C10orf88: variants seen among roughly 807,000 people sequenced by gnomAD.
C10orf88 encodes chromosome 10 open reading frame 88.
A neutral mutation model predicts 34.2 loss-of-function variants in C10orf88; 29 were observed. That is an observed-to-expected ratio of 0.85 (90% CI 0.63 to 1.16). C10orf88 has a LOEUF of 1.16. Among genes scored for constraint, C10orf88 ranks in the 50% most tolerant of loss-of-function variants. The probability of loss-of-function intolerance (pLI) is 0.00; values close to 1 mark genes in which losing one functional copy is unlikely to be tolerated. For missense variants in C10orf88, 507 were observed against 533.2 expected, an observed-to-expected ratio of 0.95 and a Z score of 0.48; for synonymous variants, 194 against 197.4, an observed-to-expected ratio of 0.98 and a Z score of 0.15.
intron 5 of C10orf88, among the ~76,000 whole-genome samples, chr10:122,933,078 CT>C (rs572588218): frequency 6.6e-6 from 1 of 151,970 alleles, no homozygotes; most frequent in East Asian, 1.9e-4. Context: ...CTAGAAGGTT[CT>C]TTTTTTTAAC....
At chr10:122,945,331 T>C (rs760812903) in intron 4 of C10orf88, among the ~76,000 whole-genome samples, 8 of 152,216 alleles carry the variant, frequency 5.3e-5, no homozygotes, top group Non-Finnish European at 1.0e-4. Flanking sequence ...TACTACTTAG[T>C]AATAATAATC....
In C10orf88 at chr10:122,938,175, A is replaced by C. The variant is rs1259773527; in HGVS notation, c.649-16T>G. On this transcript the variant is annotated splice_polypyrimidine_tract_variant and intron_variant, in intron 4 of 5. Coordinates refer to ENST00000481909, the MANE Select transcript of C10orf88 (RefSeq NM_024942.4). ...GAATACAATTCTAAACAAGGTAAAC[A>C]AGTAAATGTTAATATTAATAACACT... 1.3e-6 allele frequency: 2 copies of C among 1,552,408 alleles called. No individual in the cohort carries two copies. Among genetic ancestry groups the C allele is most frequent in the Non-Finnish European group, 1.7e-6 (2 of 1,149,732 alleles).
At chr10:122,947,688 T>C (rs1197646134) in intron 4 of C10orf88, among the ~76,000 whole-genome samples, 1 of 152,204 alleles carries the variant, frequency 6.6e-6, no homozygotes. Flanking sequence ...GAATGTCTTA[T>C]TCACAGCTAA....
At chr10:122,933,909 CTG>C (rs1384234337) in intron 5 of C10orf88, among the ~76,000 whole-genome samples, 2 of 151,872 alleles carry the variant, frequency 1.3e-5, no homozygotes, top group Non-Finnish European at 2.9e-5. Flanking sequence ...TTCATAAAGA[CTG>C]TTATTTATGT....
intron 4 of C10orf88, among the ~76,000 whole-genome samples, chr10:122,944,118 A>T (rs1848613276): frequency 6.6e-6 from 1 of 151,966 alleles, no homozygotes; most frequent in Admixed American, 6.6e-5. Flanking sequence ...AAGACTTGGA[A>T]CCAACCCAAA....
intron 4 of C10orf88, among the ~76,000 whole-genome samples, chr10:122,939,648 T>C (rs1848566121): frequency 2.6e-5 from 4 of 151,956 alleles, no homozygotes; most frequent in Admixed American, 2.6e-4. Flanking sequence ...TAAAATTATA[T>C]TTATAAAATG....
At chr10:122,942,798 C>G (rs1848598339) in intron 4 of C10orf88, among the ~76,000 whole-genome samples, 1 of 150,972 alleles carries the variant, frequency 6.6e-6, no homozygotes, top group Admixed American at 6.6e-5. Context: ...AATAAAATAC[C>G]TAGGAATCCA....
Position 122,953,019 on chromosome 10 carries a change from T to C in C10orf88, c.178A>G (p.Ile60Val). ...APPAPGQDLVILKRNHNNKDE... is the reference protein window; with the variant it reads ...APPAPGQDLVVLKRNHNNKDE... ...TTGTTGTTGTGGTTTCTCTTCAAAA[T>C]CACCAGATCCTGACTGAGAAGAAAA... Residue 60 changes from isoleucine (I) to valine (V), a missense_variant, in exon 2 of 6, where the codon ATT (isoleucine) becomes GTT (valine). Physicochemically the swap from Ile to Val is conservative, Grantham distance 29. Coordinates refer to ENST00000481909, the MANE Select transcript of C10orf88 (RefSeq NM_024942.4). 1 of 1,613,022 alleles carries C rather than the reference T, an allele frequency of 6.2e-7. No homozygotes were observed. Among genetic ancestry groups the C allele is most frequent in the Non-Finnish European group, 8.5e-7 (1 of 1,179,032 alleles).
intron 4 of C10orf88, among the ~76,000 whole-genome samples, chr10:122,941,266 T>C (rs1458562597): frequency 6.6e-6 from 1 of 152,076 alleles, no homozygotes; most frequent in Non-Finnish European, 1.5e-5. Flanking sequence ...TCTAAATTGC[T>C]AAAGCAAAAG....
In C10orf88 at chr10:122,931,651, C is replaced by T. The variant is rs1417209582; in HGVS notation, c.*776G>A. The T allele has an allele frequency of 1.3e-5, 2 of 152,104 alleles. No homozygotes were observed. Among genetic ancestry groups the T allele is most frequent in the African/African-American group, 4.8e-5 (2 of 41,414 alleles). 9.4% of individuals were successfully genotyped at this position (152,104 alleles called of 1,614,324 possible). ...ATGTGTTCATCCTTCCATGGAGAGC[C>T]TCATTATTTCATACAATAAACATGC... On this transcript the variant is annotated 3_prime_UTR_variant, in exon 6 of 6. Coordinates refer to ENST00000481909, the MANE Select transcript of C10orf88 (RefSeq NM_024942.4).
Position 122,932,569 on chromosome 10 carries a change from T to C in C10orf88, c.1196A>G (p.Gln399Arg), listed in dbSNP as rs1409688702. Residue 399 changes from glutamine to arginine, a missense_variant, in exon 6 of 6, where the codon CAG becomes CGG. Physicochemically the swap from Gln to Arg is conservative, Grantham distance 43. Coordinates refer to ENST00000481909, the MANE Select transcript of C10orf88 (RefSeq NM_024942.4). Reference protein sequence around the residue: ...MEKKLMDYIDQRIHELQEHID... With the variant: ...MEKKLMDYIDRRIHELQEHID... ...GTGCTCCTGGAGTTCATGTATTCGC[T>C]GATCAATGTAATCCATAAGTTTCTT... 3.1e-6 allele frequency: 5 copies of C among 1,613,886 alleles called. No individual in the cohort carries two copies. The highest frequency in any genetic ancestry group is 3.4e-6 in the Non-Finnish European group (4 of 1,179,954).
At chr10:122,950,655 T>C (rs888013460) in intron 3 of C10orf88, among the ~76,000 whole-genome samples, 85 of 152,232 alleles carry the variant, frequency 5.6e-4, no homozygotes, top group African/African-American at 2.0e-3. Context: ...TTTTACTCAT[T>C]GAGTCTCCTT....
chr10:122,944,196 T>TA (rs1490298505), intron 4 of C10orf88, among the ~76,000 whole-genome samples: 18 of 151,750 alleles, frequency 1.2e-4, no homozygotes, highest in Non-Finnish European at 2.2e-4. Flanking sequence ...TATGCAGCCA[T>TA]AAAAAATGGT....
chr10:122,949,238 C>T (rs1848667867), intron 3 of C10orf88, among the ~76,000 whole-genome samples: 1 of 152,062 alleles, frequency 6.6e-6, no homozygotes, highest in Admixed American at 6.6e-5. Flanking sequence ...TATATTTTTT[C>T]CTATACATAC....
intron 3 of C10orf88, among the ~76,000 whole-genome samples, chr10:122,950,807 T>C (rs1333386621): frequency 6.6e-6 from 1 of 152,248 alleles, no homozygotes; most frequent in African/African-American, 2.4e-5. Flanking sequence ...GAAATTACTT[T>C]ATTCAAATGG....
Position 122,948,499 on chromosome 10 carries a change from G to C in C10orf88, c.648+150C>G, listed in dbSNP as rs534700924. The C allele has an allele frequency of 7.0e-6, 5 of 711,178 alleles. No individual in the cohort carries two copies. The African/African-American group carries it at 9.0e-5, about 13-fold the overall frequency. 44.1% of individuals were successfully genotyped at this position (711,178 alleles called of 1,614,324 possible). A position where few individuals can be genotyped will look rare whatever the true frequency, so the allele number is the denominator to read the frequency against. ...TGTAGTCAAAACACTTTGTAGAAGGGCAAATCTAACAAATGTTAACTTCTA... is the reference window on the plus strand; with the variant it reads ...TGTAGTCAAAACACTTTGTAGAAGGCCAAATCTAACAAATGTTAACTTCTA... On this transcript the variant is annotated intron_variant, in intron 4 of 5. Transcript: ENST00000481909.
intron 4 of C10orf88, 25 bp downstream of exon 4, chr10:122,948,624 T>C (rs879449949): frequency 6.9e-6 from 11 of 1,600,752 alleles, no homozygotes; most frequent in Non-Finnish European, 9.4e-6. Context: ...TAATGTTATC[T>C]GGAAAGAAAT....
Position 122,930,995 on chromosome 10 carries a change from AG to A in C10orf88, c.*1431del, listed in dbSNP as rs61182442. On this transcript the variant is annotated 3_prime_UTR_variant, in exon 6 of 6. Coordinates refer to ENST00000481909, the MANE Select transcript of C10orf88 (RefSeq NM_024942.4). Reference sequence around the variant, plus strand: ...TCAACTTTTCAACTAATGAGGAGTGAGGGGGTTAAAATATAATTTTTCTAAT... The same window carrying A: ...TCAACTTTTCAACTAATGAGGAGTGAGGGGTTAAAATATAATTTTTCTAAT... 38 of 152,302 alleles carry A rather than the reference AG, an allele frequency of 2.5e-4. No homozygotes were observed. Among genetic ancestry groups the A allele is most frequent in the African/African-American group, 7.7e-4 (32 of 41,566 alleles). 9.4% of individuals were successfully genotyped at this position (152,302 alleles called of 1,614,324 possible).
chr10:122,953,969 G>T (rs1848720987), intron 1 of C10orf88, 46 bp downstream of exon 1: 2 of 1,470,766 alleles, frequency 1.4e-6, no homozygotes, highest in Non-Finnish European at 1.8e-6. Context: ...CTAGAAGCGC[G>T]GCAGTTGCCG....
Sources: allele counts gnomAD v4.1 joint callset (sites outside exome capture counted in the v4.1 genomes callset), GRCh38; gene constraint gnomAD v4.1.1; transcripts MANE v1.5; gene names NCBI Gene and HGNC (gene_info 2026-07-23, HGNC 2026-07-21).